Variants in LEMD1 observed in about 807,000 individuals in gnomAD.
LEMD1 encodes the protein LEM domain-containing protein 1.
In LEMD1, 18 loss-of-function variants were observed where a neutral mutation model predicts 17.4. The observed-to-expected ratio is 1.04, with a 90% CI of 0.72 to 1.54. LEMD1 has a LOEUF of 1.54. Ranked by LOEUF, LEMD1 falls within the 40% of genes most tolerant of loss-of-function variation. LEMD1 has a pLI of 0.00. For missense variants in LEMD1, 195 were observed against 210.4 expected, an observed-to-expected ratio of 0.93 and a Z score of 0.45; for synonymous variants, 88 against 77.8, an observed-to-expected ratio of 1.13 and a Z score of -0.69.
chr1:205,403,380 C>A (rs1197678982), intron 4 of LEMD1, among the ~76,000 whole-genome samples: 22 of 152,078 alleles, frequency 1.4e-4, no homozygotes, highest in Admixed American at 1.4e-3. Flanking sequence ...AATTTCAGAG[C>A]CTGTTATTGG....
At chr1:205,449,687 T>C (rs1666462131) in intron 1 of LEMD1, among the ~76,000 whole-genome samples, 1 of 152,098 alleles carries the variant, frequency 6.6e-6, no homozygotes, top group Non-Finnish European at 1.5e-5. Context: ...GCCTCCCACC[T>C]GAACTTTGGG....
intron 4 of LEMD1, among the ~76,000 whole-genome samples, chr1:205,402,074 G>A (rs1664878307): frequency 6.6e-6 from 1 of 152,018 alleles, no homozygotes; most frequent in Non-Finnish European, 1.5e-5. Flanking sequence ...CTCTGTTTTG[G>A]TACCAGTATC....
chr1:205,407,375 CT>C (rs1461005939), intron 4 of LEMD1, among the ~76,000 whole-genome samples: 1 of 151,798 alleles, frequency 6.6e-6, no homozygotes, highest in Admixed American at 6.6e-5. Context: ...GCCCCACCCC[CT>C]GACCTCCAGG....
chr1:205,442,053 C>T (rs2102466249), intron 1 of LEMD1, among the ~76,000 whole-genome samples: 1 of 152,306 alleles, frequency 6.6e-6, no homozygotes, highest in East Asian at 1.9e-4. Flanking sequence ...CACCTCTCTG[C>T]CCTTCCTCTG....
chr1:205,429,164 T>A (rs1666094637), intron 1 of LEMD1, among the ~76,000 whole-genome samples: 1 of 152,208 alleles, frequency 6.6e-6, no homozygotes, highest in Non-Finnish European at 1.5e-5. Flanking sequence ...CCCACCTCCA[T>A]CTCCAATGAC....
Position 205,420,438 on chromosome 1 carries a change from C to T in LEMD1, c.82+17G>A. 1 of 1,591,642 alleles carries T rather than the reference C, an allele frequency of 6.3e-7. No homozygotes were observed. The highest frequency in any genetic ancestry group is 8.6e-7 in the Non-Finnish European group (1 of 1,159,880). The stretch of plus-strand genomic sequence containing the variant: ...ATAAATGACAAGTCTGTAATATTTG[C>T]TGCATACTGTACATACGTAGTATTG... On this transcript the variant is annotated intron_variant, in intron 2 of 5. Coordinates refer to ENST00000367153, the MANE Select transcript of LEMD1 (RefSeq NM_001199050.2).
chr1:205,416,143 G>C (rs989485341), intron 4 of LEMD1, 89 bp downstream of exon 4: 6 of 767,706 alleles, frequency 7.8e-6, no homozygotes, highest in Non-Finnish European at 1.3e-5. Context: ...GTAGTGACTT[G>C]CTATCCCCTT....
chr1:205,427,913 C>T (rs537649807), intron 1 of LEMD1, among the ~76,000 whole-genome samples: 1 of 152,268 alleles, frequency 6.6e-6, no homozygotes, highest in Non-Finnish European at 1.5e-5. Context: ...GAAATGGAAA[C>T]AAACAACTGT....
intron 4 of LEMD1, chr1:205,385,654 C>T (rs1312337882): frequency 6.6e-6 from 1 of 152,268 alleles, no homozygotes; most frequent in Non-Finnish European, 1.5e-5. Context: ...AAGTGTTCTG[C>T]ACTGGCTTCC....
Position 205,448,827 on chromosome 1 carries a change from T to C in LEMD1, c.-39+1041A>G, listed in dbSNP as rs1448038228. Among the ~76,000 whole-genome samples, 2 of 152,118 alleles carry C rather than the reference T, an allele frequency of 1.3e-5. No homozygotes were observed. Among genetic ancestry groups the C allele is most frequent in the Non-Finnish European group, 2.9e-5 (2 of 68,004 alleles). On this transcript the variant is annotated intron_variant, in intron 1 of 3. Transcript: ENST00000367154. This position sits in a 1 kb window ranked among gnomAD's most constrained non-coding sequence, Gnocchi z 4.7. ...TCCCTCTTTACAAAGCTTAACTCTT[T>C]CTAGTCCAGCCACTGGAAGCACAGA... is the stretch of plus-strand genomic sequence containing the variant.
At chr1:205,439,277 T>G (rs6696979) in intron 1 of LEMD1, among the ~76,000 whole-genome samples, 4 of 152,102 alleles carry the variant, frequency 2.6e-5, no homozygotes, top group Admixed American at 6.5e-5. Context: ...GAAGGACTTC[T>G]GTTTATAATT....
chr1:205,447,080 C>T (rs1666405155), intron 1 of LEMD1, among the ~76,000 whole-genome samples: 1 of 152,244 alleles, frequency 6.6e-6, no homozygotes, highest in South Asian at 2.1e-4. Flanking sequence ...CCCTGGTTTT[C>T]AGAGTACTTT....
intron 4 of LEMD1, among the ~76,000 whole-genome samples, chr1:205,409,361 A>G (rs570312008): frequency 8.5e-5 from 13 of 152,324 alleles, no homozygotes; most frequent in African/African-American, 2.9e-4. Flanking sequence ...ATTAAATATC[A>G]TGCTTTTCAT....
intron 1 of LEMD1, chr1:205,436,679 T>C (rs1280447840): frequency 6.6e-6 from 1 of 152,162 alleles, no homozygotes; most frequent in Non-Finnish European, 1.5e-5. Flanking sequence ...GGGAACAGAT[T>C]CTGTTTCTTG....
At chr1:205,416,164 G>C (rs1188111021) in intron 4 of LEMD1, 68 bp downstream of exon 4, 1 of 1,002,736 alleles carries the variant, frequency 1.0e-6, no homozygotes, top group East Asian at 2.6e-5. Context: ...TCTTAATACA[G>C]ATGAACAGAG....
Position 205,427,566 on chromosome 1 carries a change from C to T in LEMD1, c.-38-6992G>A, listed in dbSNP as rs548496888. Among the ~76,000 whole-genome samples, 3 of 152,116 alleles carry T rather than the reference C, an allele frequency of 2.0e-5. No individual in the cohort carries two copies. The East Asian group carries it at 5.8e-4, about 29-fold the overall frequency. On this transcript the variant is annotated intron_variant, in intron 1 of 3. Transcript: ENST00000367154. The stretch of plus-strand genomic sequence containing the variant: ...GGGAATGGGTTTTCACCGCAGTACA[C>T]GTGGTAAGGAGCAATGTCATGAAAT...
chr1:205,408,661 C>T (rs988325476), intron 4 of LEMD1, among the ~76,000 whole-genome samples: 20 of 151,836 alleles, frequency 1.3e-4, no homozygotes, highest in Non-Finnish European at 1.5e-5. Context: ...CCATGCCCAG[C>T]TAATTTTTTT....
intron 4 of LEMD1, among the ~76,000 whole-genome samples, chr1:205,404,244 T>C (rs1431413595): frequency 6.6e-6 from 1 of 152,150 alleles, no homozygotes; most frequent in Non-Finnish European, 1.5e-5. Context: ...TGAGTTCAAT[T>C]CCTGGGTATC....
intron 1 of LEMD1, among the ~76,000 whole-genome samples, chr1:205,431,151 T>C (rs942825869): frequency 6.6e-6 from 1 of 152,198 alleles, no homozygotes; most frequent in Admixed American, 6.5e-5. Context: ...TCTTGTCTAT[T>C]ACCTGAAAAA....
Sources: allele counts gnomAD v4.1 joint callset (sites outside exome capture counted in the v4.1 genomes callset), GRCh38; gene constraint gnomAD v4.1.1; non-coding constraint Gnocchi (gnomAD v3.1); transcripts MANE v1.5; gene names NCBI Gene and HGNC (gene_info 2026-07-23, HGNC 2026-07-21).